RANBP2: variants seen among roughly 807,000 people sequenced by gnomAD.
The protein encoded by RANBP2 is E3 SUMO-protein ligase RanBP2.
A neutral mutation model predicts 303.6 loss-of-function variants in RANBP2; 57 were observed. The observed-to-expected ratio is 0.19, with a 90% CI of 0.15 to 0.23. The LOEUF (loss-of-function observed/expected upper bound fraction) is 0.23. RANBP2 is among the 10% of genes least tolerant of loss of function. RANBP2 has a pLI of 1.00. For synonymous variants in RANBP2, 1,167 were observed against 1,301.5 expected (o/e 0.90, Z 2.23); for missense variants, 3,138 against 3,780.8 (o/e 0.83, Z 4.46).
chr2:108,823,169 A>G, the RANBP2 span, among the ~76,000 whole-genome samples: 21 of 152,304 alleles, frequency 1.4e-4, no homozygotes, highest in Admixed American at 1.0e-3. Context: ...CCTCCCAACA[A>G]TGAAAAGCCA....
At chr2:108,829,635 AC>A in the RANBP2 span, among the ~76,000 whole-genome samples, 1 of 152,190 alleles carries the variant, frequency 6.6e-6, no homozygotes, top group African/African-American at 2.4e-5. Context: ...AGTCCCAGCT[AC>A]TTGGGAGGCT....
chr2:108,948,864 T>G, the RANBP2 span, among the ~76,000 whole-genome samples: 1 of 152,240 alleles, frequency 6.6e-6, no homozygotes, highest in East Asian at 1.9e-4. Flanking sequence ...ATGCGTATAA[T>G]CCCAGCACTT....
chr2:108,800,137 T>A, the RANBP2 span, among the ~76,000 whole-genome samples: 1 of 152,194 alleles, frequency 6.6e-6, no homozygotes, highest in Non-Finnish European at 1.5e-5. Flanking sequence ...TCTTTGTATG[T>A]TCAGTGATTT....
chr2:108,881,893 CAGCACTTTGGGA>C, the RANBP2 span, among the ~76,000 whole-genome samples: 1 of 152,258 alleles, frequency 6.6e-6, no homozygotes, highest in East Asian at 1.9e-4. Context: ...CTTGTAACCC[CAGCACTTTGGGA>C]AGCTGAGGCT....
At chr2:109,678,499 C>G in the RANBP2 span, among the ~76,000 whole-genome samples, 4 of 152,214 alleles carry the variant, frequency 2.6e-5, no homozygotes. Flanking sequence ...CAGAGTTGCT[C>G]TCTCAATGTG....
chr2:108,965,414 G>A, the RANBP2 span, among the ~76,000 whole-genome samples: 13 of 150,550 alleles, frequency 8.6e-5, no homozygotes, highest in Admixed American at 5.3e-4. Flanking sequence ...CCGGGAGGCC[G>A]AGGTCACGCC....
chr2:108,994,791 G>C, the RANBP2 span, among the ~76,000 whole-genome samples: 1 of 95,226 alleles, frequency 1.1e-5, no homozygotes, highest in Non-Finnish European at 2.0e-5. Context: ...TCTGTGCATT[G>C]GGTTATATAT....
In RANBP2 at chr2:108,767,630, A is replaced by T; in HGVS notation, c.7091A>T (p.Asp2364Val). Residue 2364 changes from aspartate (D) to valine (V), a missense_variant, in exon 20 of 29, where the codon GAT (aspartate) becomes GTT (valine). Transcript: ENST00000283195. ...IGDIKILQNY[D>V]NKQVRIVMRR... is the part of the protein sequence containing the mutation. ...GATATAAAGATTTTACAGAATTATG[A>T]TAATAAGCAAGTTCGTATAGTGATG... 1 of 1,612,012 alleles carries T rather than the reference A, an allele frequency of 6.2e-7. No homozygotes were observed. Among genetic ancestry groups the T allele is most frequent in the Middle Eastern group, 2.3e-4 (1 of 4,428 alleles).
intron 6 of RANBP2, among the ~76,000 whole-genome samples, chr2:108,739,460 A>G (rs914437540): frequency 2.6e-5 from 4 of 152,148 alleles, no homozygotes; most frequent in African/African-American, 9.7e-5. Context: ...TATGTAAAAT[A>G]TAAATTTTTT....
the RANBP2 span, among the ~76,000 whole-genome samples, chr2:108,910,221 TTGGCAGGATGCAGG>T: frequency 1.3e-5 from 2 of 152,122 alleles, no homozygotes; most frequent in Admixed American, 6.5e-5. Context: ...CCCAGGGAAT[TTGGCAGGATGCAGG>T]GACAGGGGCC....
At chr2:109,481,322 C>T in the RANBP2 span, among the ~76,000 whole-genome samples, 2 of 152,206 alleles carry the variant, frequency 1.3e-5, no homozygotes, top group Non-Finnish European at 2.9e-5. Context: ...GCACCTGTGC[C>T]TTCCACTCAG....
At chr2:108,733,898 G>A (rs1222434194) in intron 4 of RANBP2, among the ~76,000 whole-genome samples, 1 of 150,894 alleles carries the variant, frequency 6.6e-6, no homozygotes, top group Admixed American at 6.6e-5. Flanking sequence ...GTCATGCAAA[G>A]TAATTCCATT....
chr2:109,616,868 T>G, the RANBP2 span: 18 of 167,076 alleles, frequency 1.1e-4, 1 homozygote, highest in Admixed American at 2.0e-4. Context: ...CAATAAAATG[T>G]TGCCTCTCTT....
chr2:109,189,487 A>G, the RANBP2 span, among the ~76,000 whole-genome samples: 4 of 151,130 alleles, frequency 2.6e-5, no homozygotes, highest in African/African-American at 7.3e-5. Context: ...TTTTGCCTCA[A>G]CCTCCCGAGT....
At chr2:109,716,659 A>C in the RANBP2 span, among the ~76,000 whole-genome samples, 9 of 151,766 alleles carry the variant, frequency 5.9e-5, no homozygotes, top group East Asian at 1.7e-3. Flanking sequence ...TGATTCTCCT[A>C]CCTCAGCTTC....
At chr2:109,396,620 C>G in the RANBP2 span, among the ~76,000 whole-genome samples, 1 of 152,220 alleles carries the variant, frequency 6.6e-6, no homozygotes, top group African/African-American at 2.4e-5. Flanking sequence ...AGTTCTGAAT[C>G]TGGGTGAGAC....
chr2:109,440,884 A>G, the RANBP2 span, among the ~76,000 whole-genome samples: 1 of 152,162 alleles, frequency 6.6e-6, no homozygotes, highest in South Asian at 2.1e-4. Flanking sequence ...GAAAGAAAGG[A>G]TTAGTGCTAA....
At chr2:109,694,196 T>C in the RANBP2 span, among the ~76,000 whole-genome samples, 2 of 152,100 alleles carry the variant, frequency 1.3e-5, no homozygotes, top group African/African-American at 4.8e-5. Flanking sequence ...ATCCCCTTGG[T>C]AATTTCCTCA....
the RANBP2 span, among the ~76,000 whole-genome samples, chr2:109,180,230 C>G: frequency 6.6e-6 from 1 of 152,156 alleles, no homozygotes; most frequent in African/African-American, 2.4e-5. Flanking sequence ...GTATTCCCCA[C>G]TAGTCAGGGC....
Sources: gnomAD v4.1 joint callset for allele counts (sites outside exome capture counted in the v4.1 genomes callset) on GRCh38, gnomAD v4.1.1 for gene constraint, MANE v1.5 for transcripts, NCBI Gene and HGNC (gene_info 2026-07-23, HGNC 2026-07-21) for gene names.